CHST12: variants seen among roughly 807,000 people sequenced by gnomAD.
The protein encoded by CHST12 is carbohydrate (chondroitin 4) sulfotransferase 12.
CHST12 carries 23 observed loss-of-function variants against 27.9 expected under a neutral mutation model. That is an observed-to-expected ratio of 0.82 (90% CI 0.59 to 1.17). The LOEUF (loss-of-function observed/expected upper bound fraction) is 1.17, where lower values mean the gene tolerates loss of function less well. Among genes scored for constraint, CHST12 ranks in the 50% most tolerant of loss-of-function variants. The probability of loss-of-function intolerance (pLI) is 0.00; values close to 1 mark genes in which losing one functional copy is unlikely to be tolerated. For missense variants in CHST12, 682 were observed against 603.0 expected, an observed-to-expected ratio of 1.13 and a Z score of -1.37; for synonymous variants, 322 against 273.0, an observed-to-expected ratio of 1.18 and a Z score of -1.77.
rs1234215641 is a variant in CHST12, at chr7:2,438,459, C to G, written c.*4575C>G. ...GCCCCACCCTGAAGAATAACAGACT[C>G]CCAAATATCACACAGGCTGCAGATA... On this transcript the variant is annotated 3_prime_UTR_variant, in exon 2 of 2. Coordinates refer to ENST00000618655, the MANE Select transcript of CHST12 (RefSeq NM_018641.5). The G allele has an allele frequency of 6.6e-6, 1 of 152,218 alleles. No homozygotes were observed. The highest frequency in any genetic ancestry group is 1.5e-5 in the Non-Finnish European group (1 of 68,078). 9.4% of individuals were successfully genotyped at this position (152,218 alleles called of 1,614,324 possible).
chr7:2,421,064 A>T (rs1484380397), intron 1 of CHST12, among the ~76,000 whole-genome samples: 3 of 141,634 alleles, frequency 2.1e-5, no homozygotes, highest in Non-Finnish European at 4.6e-5. Flanking sequence ...TTCTGTGTTA[A>T]TTTTTTTTTT....
In CHST12 at chr7:2,442,836, C is replaced by T. The variant is rs1199913544; in HGVS notation, c.*8952C>T. On this transcript the variant is annotated 3_prime_UTR_variant, in exon 2 of 2. Coordinates refer to ENST00000618655, the MANE Select transcript of CHST12 (RefSeq NM_018641.5). ...CAGATCAGCGGCGGCATTAGATTCT[C>T]ATAGGAGCGGGAACCCTCCTGTGAA... is the stretch of plus-strand genomic sequence containing the variant. 6.6e-6 allele frequency: 1 copy of T among 152,478 alleles called. No homozygotes were observed. The highest frequency in any genetic ancestry group is 2.4e-5 in the African/African-American group (1 of 41,472). 9.4% of individuals were successfully genotyped at this position (152,478 alleles called of 1,614,324 possible).
rs1369815738 is a variant in CHST12, at chr7:2,435,862, T to G, written c.*1978T>G. The G allele has an allele frequency of 6.6e-6, 1 of 152,350 alleles. No individual in the cohort carries two copies. The highest frequency in any genetic ancestry group is 1.5e-5 in the Non-Finnish European group (1 of 68,124). The allele number at this position is 152,350 out of a possible 1,614,324, so 9.4% of individuals were successfully genotyped here. On this transcript the variant is annotated 3_prime_UTR_variant, in exon 2 of 2. Coordinates refer to ENST00000618655, the MANE Select transcript of CHST12 (RefSeq NM_018641.5). ...CAGGGTCTCGCTCTGTCATCCGGGC[T>G]GGAATACACTGGTGCAATCACAGCT...
chr7:2,431,211 T>TG (rs1782261611), intron 1 of CHST12, among the ~76,000 whole-genome samples: 1 of 152,250 alleles, frequency 6.6e-6, no homozygotes, highest in Non-Finnish European at 1.5e-5. Context: ...TATGTCTTCC[T>TG]GGGGATTGAA....
At chr7:2,419,342 A>G (rs1781901337) in intron 1 of CHST12, among the ~76,000 whole-genome samples, 1 of 145,074 alleles carries the variant, frequency 6.9e-6, no homozygotes, top group East Asian at 2.1e-4. Flanking sequence ...GGGAGGTTGC[A>G]GTGAGCCAAG....
intron 1 of CHST12, among the ~76,000 whole-genome samples, chr7:2,415,831 G>C (rs1034814778): frequency 7.2e-5 from 11 of 152,028 alleles, no homozygotes; most frequent in Admixed American, 5.9e-4. Context: ...AGCCAGGATG[G>C]TCTCGATCTC....
Position 2,433,405 on chromosome 7 carries a change from CGCA to C in CHST12, c.770_772del (p.Ser257del). On this transcript the variant is annotated inframe_deletion, in exon 2 of 2. Coordinates refer to ENST00000618655, the MANE Select transcript of CHST12 (RefSeq NM_018641.5). This position sits in a 1 kb window ranked among gnomAD's most constrained non-coding sequence, Gnocchi z 6.1. ...CTTCGTGCGCCTGATCTCCGCCTTC[CGCA>C]GCAAGTTCGAGCTGGAGAACGAGGA... 2 of 1,609,662 alleles carry C rather than the reference CGCA, an allele frequency of 1.2e-6. No individual in the cohort carries two copies. The highest frequency in any genetic ancestry group is 1.7e-6 in the Non-Finnish European group (2 of 1,179,906).
rs563640182 is a variant in CHST12, at chr7:2,436,819, G to C, written c.*2935G>C. ...TCCTGAGCACCTGGGGTGTTTGCAGGGATGTGGAGGGGTTCCTGCAGAAGA... is the reference window on the plus strand; with the variant it reads ...TCCTGAGCACCTGGGGTGTTTGCAGCGATGTGGAGGGGTTCCTGCAGAAGA... On this transcript the variant is annotated 3_prime_UTR_variant, in exon 2 of 2. Coordinates refer to ENST00000618655, the MANE Select transcript of CHST12 (RefSeq NM_018641.5). 119 of 152,342 alleles carry C rather than the reference G, an allele frequency of 7.8e-4. No homozygotes were observed. The highest frequency in any genetic ancestry group is 2.8e-3 in the African/African-American group (115 of 41,558). 9.4% of individuals were successfully genotyped at this position (152,342 alleles called of 1,614,324 possible). A position where few individuals can be genotyped will look rare whatever the true frequency, so the allele number is the denominator to read the frequency against.
intron 1 of CHST12, among the ~76,000 whole-genome samples, chr7:2,429,083 C>G (rs1782206177): frequency 1.3e-5 from 2 of 152,228 alleles, no homozygotes; most frequent in South Asian, 4.1e-4. Context: ...AGCTCCCTGA[C>G]TGCATGTCCG....
Position 2,405,100 on chromosome 7 carries a change from G to T in CHST12, c.-78+1427G>T, listed in dbSNP as rs531814558. On this transcript the variant is annotated intron_variant, in intron 1 of 1. Coordinates refer to ENST00000618655, the MANE Select transcript of CHST12 (RefSeq NM_018641.5). ...AGTGAAAGTGATGTTTGGGGGAGAT[G>T]GTGGGTCGCCGTGTTCTTGATGAAG... Among the ~76,000 whole-genome samples, 80 of 152,258 alleles carry T rather than the reference G, an allele frequency of 5.3e-4. 1 individual carries two copies. In the South Asian group the frequency reaches 0.016, roughly 31 times the overall value.
At chr7:2,431,363 G>A (rs1219651138) in intron 1 of CHST12, among the ~76,000 whole-genome samples, 1 of 152,178 alleles carries the variant, frequency 6.6e-6, no homozygotes, top group African/African-American at 2.4e-5. Context: ...CCGGGAGAGA[G>A]GAGGTGAGAA....
chr7:2,431,361 G>C (rs1253401101), intron 1 of CHST12, among the ~76,000 whole-genome samples: 3 of 152,184 alleles, frequency 2.0e-5, no homozygotes, highest in Non-Finnish European at 2.9e-5. Context: ...TCCCGGGAGA[G>C]AGGAGGTGAG....
In CHST12 at chr7:2,434,235, G is replaced by T. The variant is rs1209652879; in HGVS notation, c.*351G>T. 1 of 199,728 alleles carries T rather than the reference G, an allele frequency of 5.0e-6. No homozygotes were observed. Among genetic ancestry groups the T allele is most frequent in the Non-Finnish European group, 1.1e-5 (1 of 88,330 alleles). The allele number at this position is 199,728 out of a possible 1,614,324, so 12.4% of individuals were successfully genotyped here. On this transcript the variant is annotated 3_prime_UTR_variant, in exon 2 of 2. Transcript: ENST00000618655. ...CTAGGGCCACTCACCGGAGGAGGGC[G>T]GGGCCTGCACTTGAAGTCAGGCCGC...
chr7:2,410,161 T>C (rs1781630216), intron 1 of CHST12, among the ~76,000 whole-genome samples: 1 of 152,208 alleles, frequency 6.6e-6, no homozygotes, highest in Non-Finnish European at 1.5e-5. Context: ...ACATCATCCT[T>C]CACCTGTCCC....
Position 2,425,691 on chromosome 7 carries a change from C to CTTTTTTTTTTTTTTTT in CHST12, c.-77-6858_-77-6857insTTTTTTTTTTTTTTTT, listed in dbSNP as rs760502452. Among the ~76,000 whole-genome samples, 243 of 137,762 alleles carry CTTTTTTTTTTTTTTTT rather than the reference C, an allele frequency of 1.8e-3. 7 individuals are homozygous for CTTTTTTTTTTTTTTTT. The highest frequency in any genetic ancestry group is 6.3e-3 in the African/African-American group (231 of 36,870). 90.4% of individuals were successfully genotyped at this position (137,762 alleles called of 152,430 possible). A position where few individuals can be genotyped will look rare whatever the true frequency, so the allele number is the denominator to read the frequency against. On this transcript the variant is annotated intron_variant, in intron 1 of 1. Coordinates refer to ENST00000618655, the MANE Select transcript of CHST12 (RefSeq NM_018641.5). ...CAAATGCAAAATAGCACTGCATTTG[C>CTTTTTTTTTTTTTTTT]TTTTTTTTTTTTTTGTCTTTTGTCA... is the stretch of plus-strand genomic sequence containing the variant.
chr7:2,441,729 C>T lies in CHST12; in HGVS notation c.*7845C>T, dbSNP rs961287387. 2.8e-5 allele frequency: 4 copies of T among 144,722 alleles called. No homozygotes were observed. Among genetic ancestry groups the T allele is most frequent in the African/African-American group, 1.0e-4 (4 of 39,466 alleles). 9.0% of individuals were successfully genotyped at this position (144,722 alleles called of 1,614,324 possible). On this transcript the variant is annotated 3_prime_UTR_variant, in exon 2 of 2. Coordinates refer to ENST00000618655, the MANE Select transcript of CHST12 (RefSeq NM_018641.5). ...AAAAAAAAAAGGTGTTGTATTTTAT[C>T]ATTAGAAGGCCATCCTGTTTAGAAG...
intron 1 of CHST12, among the ~76,000 whole-genome samples, chr7:2,412,080 C>G (rs1221785656): frequency 1.3e-5 from 2 of 152,210 alleles, no homozygotes; most frequent in Non-Finnish European, 2.9e-5. Context: ...AGTTACTTTA[C>G]TTCAAAGGCT....
chr7:2,409,666 G>A (rs989462417), intron 1 of CHST12, among the ~76,000 whole-genome samples: 2 of 151,870 alleles, frequency 1.3e-5, no homozygotes, highest in African/African-American at 4.8e-5. Context: ...GCGGAGGTGA[G>A]AAAGGGAAGC....
Position 2,445,822 on chromosome 7 carries a change from C to T in CHST12, c.*11938C>T, listed in dbSNP as rs912411139. The T allele has an allele frequency of 1.3e-5, 2 of 152,214 alleles. No homozygotes were observed. The highest frequency in any genetic ancestry group is 2.9e-5 in the Non-Finnish European group (2 of 68,064). 9.4% of individuals were successfully genotyped at this position (152,214 alleles called of 1,614,324 possible). On this transcript the variant is annotated 3_prime_UTR_variant, in exon 2 of 2. Coordinates refer to ENST00000618655, the MANE Select transcript of CHST12 (RefSeq NM_018641.5). Reference sequence around the variant, plus strand: ...GGAGAAAGTGGCCTGGGGCTGGAAACAGGACTTTGTAGGGAAGGACAGCGC... The same window carrying T: ...GGAGAAAGTGGCCTGGGGCTGGAAATAGGACTTTGTAGGGAAGGACAGCGC...
Sources: gnomAD v4.1 joint callset for allele counts (sites outside exome capture counted in the v4.1 genomes callset) on GRCh38, gnomAD v4.1.1 for gene constraint, Gnocchi (gnomAD v3.1) non-coding constraint, MANE v1.5 for transcripts, NCBI Gene and HGNC (gene_info 2026-07-23, HGNC 2026-07-21) for gene names.